NYAP2: variants seen among roughly 807,000 people sequenced by gnomAD.
NYAP2 encodes neuronal tyrosine-phosphorylated phosphoinositide-3-kinase adapter 2.
A neutral mutation model predicts 50.4 loss-of-function variants in NYAP2; 23 were observed. The ratio of observed to expected loss-of-function variants is 0.46; its 90% confidence interval spans 0.33 to 0.65. NYAP2 has a LOEUF of 0.65. Ranked by LOEUF, NYAP2 falls within the 30% of genes least tolerant of loss-of-function variation. The pLI is 0.02. For synonymous variants in NYAP2, 394 were observed against 365.2 expected (o/e 1.08, Z -0.90); for missense variants, 885 against 861.0 (o/e 1.03, Z -0.35).
intron 3 of NYAP2, among the ~76,000 whole-genome samples, chr2:225,456,824 C>T (rs1053121312): frequency 3.3e-5 from 5 of 152,074 alleles, no homozygotes; most frequent in Non-Finnish European, 4.4e-5. Flanking sequence ...TCTGAGTGCA[C>T]CTAAAGGGAA....
chr2:225,406,157 G>C (rs983956101), intron 2 of NYAP2, among the ~76,000 whole-genome samples: 2 of 151,184 alleles, frequency 1.3e-5, no homozygotes, highest in Non-Finnish European at 2.9e-5. Flanking sequence ...TAATTAACTT[G>C]TATGAAGTTT....
At position 225,540,862 on chromosome 2, in the gene NYAP2, A is replaced by G. The variant is rs547584534; in HGVS notation, c.523+27190A>G. 2.6e-5 allele frequency among the ~76,000 whole-genome samples: 4 copies of G among 152,226 alleles called. No individual in the cohort carries two copies. In the South Asian group the frequency reaches 6.2e-4, roughly 24 times the overall value. The stretch of plus-strand genomic sequence containing the variant: ...TTTTTAGTTTTTTGAGAAATCTCCA[A>G]AGTGTTCTCCATAATGGTTTTACTA... On this transcript the variant is annotated intron_variant, in intron 4 of 6. Transcript: ENST00000636099.
chr2:225,522,303 T>C (rs2106191911), intron 4 of NYAP2, among the ~76,000 whole-genome samples: 1 of 152,312 alleles, frequency 6.6e-6, no homozygotes, highest in South Asian at 2.1e-4. Context: ...CTTTATTATA[T>C]AATTTCATGA....
intron 3 of NYAP2, among the ~76,000 whole-genome samples, chr2:225,483,063 C>T (rs1427166994): frequency 6.6e-6 from 1 of 152,060 alleles, no homozygotes; most frequent in Non-Finnish European, 1.5e-5. Flanking sequence ...TAATTTATAT[C>T]CAGGTGATGA....
At chr2:225,560,473 C>A (rs979917069) in intron 4 of NYAP2, among the ~76,000 whole-genome samples, 14 of 152,026 alleles carry the variant, frequency 9.2e-5, no homozygotes, top group African/African-American at 3.4e-4. Context: ...GGACATTGAG[C>A]TTTTCAAAGA....
At chr2:225,553,652 C>A (rs1288359356) in intron 4 of NYAP2, among the ~76,000 whole-genome samples, 1 of 152,146 alleles carries the variant, frequency 6.6e-6, no homozygotes, top group Non-Finnish European at 1.5e-5. Flanking sequence ...ATGAACATAA[C>A]CACTGTTTTA....
chr2:225,463,147 A>G (rs1689861115), intron 3 of NYAP2, among the ~76,000 whole-genome samples: 1 of 152,250 alleles, frequency 6.6e-6, no homozygotes, highest in Non-Finnish European at 1.5e-5. Context: ...GATTCCAAAC[A>G]GGCATTGCTA....
intron 5 of NYAP2, among the ~76,000 whole-genome samples, chr2:225,614,577 G>T (rs779667595): frequency 1.4e-4 from 21 of 152,208 alleles, no homozygotes; most frequent in Non-Finnish European, 2.8e-4. Flanking sequence ...GCTAACAAAA[G>T]CATCACATAT....
intron 3 of NYAP2, among the ~76,000 whole-genome samples, chr2:225,417,171 A>T (rs1695140220): frequency 6.6e-6 from 1 of 152,122 alleles, no homozygotes; most frequent in Non-Finnish European, 1.5e-5. Context: ...GAGTCAGGGG[A>T]CTTTTTGAAC....
intron 3 of NYAP2, among the ~76,000 whole-genome samples, chr2:225,504,282 G>T (rs1469599686): frequency 1.3e-5 from 2 of 152,180 alleles, no homozygotes; most frequent in Non-Finnish European, 1.5e-5. Context: ...CACCATAGAA[G>T]GGGTGAGAGA....
chr2:225,573,169 AT>A (rs146321195), intron 4 of NYAP2, among the ~76,000 whole-genome samples: 25 of 149,440 alleles, frequency 1.7e-4, no homozygotes, highest in East Asian at 1.2e-3. Context: ...TTAATTTTGG[AT>A]TTTTTTTTCA....
intron 3 of NYAP2, among the ~76,000 whole-genome samples, chr2:225,495,124 A>G (rs1183806154): frequency 6.6e-6 from 1 of 152,220 alleles, no homozygotes; most frequent in African/African-American, 2.4e-5. Flanking sequence ...TTCTACTAAA[A>G]TAGTCTTGTA....
At chr2:225,411,489 G>A (rs2106120735) in intron 3 of NYAP2, among the ~76,000 whole-genome samples, 1 of 152,228 alleles carries the variant, frequency 6.6e-6, no homozygotes, top group South Asian at 2.1e-4. Context: ...ATGATGGAAA[G>A]GCAGTTGAGT....
intron 4 of NYAP2, among the ~76,000 whole-genome samples, chr2:225,532,499 A>G (rs1251627374): frequency 6.6e-6 from 1 of 152,206 alleles, no homozygotes; most frequent in Non-Finnish European, 1.5e-5. Context: ...AGTGGTCTAC[A>G]TGGAGCAGAA....
the NYAP2 span, among the ~76,000 whole-genome samples, chr2:225,660,334 C>T: frequency 6.6e-6 from 1 of 152,048 alleles, no homozygotes; most frequent in Non-Finnish European, 1.5e-5. Flanking sequence ...ACTACTTACT[C>T]ACCTCTTTGA....
chr2:225,419,672 T>C (rs1358129127), intron 3 of NYAP2, among the ~76,000 whole-genome samples: 7 of 152,208 alleles, frequency 4.6e-5, no homozygotes, highest in African/African-American at 1.4e-4. Flanking sequence ...CAACATATTA[T>C]AGAATTGGTA....
chr2:225,659,994 G>A, the NYAP2 span, among the ~76,000 whole-genome samples: 1 of 152,146 alleles, frequency 6.6e-6, no homozygotes, highest in Non-Finnish European at 1.5e-5. Flanking sequence ...ACAACTGCTA[G>A]TGCATGGTGA....
At chr2:225,617,214 G>A (rs1259418050) in intron 5 of NYAP2, among the ~76,000 whole-genome samples, 2 of 152,056 alleles carry the variant, frequency 1.3e-5, no homozygotes, top group Non-Finnish European at 2.9e-5. Context: ...ATCTCTTGAG[G>A]TCAGGAGTTT....
At chr2:225,664,417 C>T in the NYAP2 span, among the ~76,000 whole-genome samples, 12 of 152,074 alleles carry the variant, frequency 7.9e-5, no homozygotes, top group Admixed American at 3.9e-4. Flanking sequence ...ACAGTGGAAA[C>T]GGATTAGTAT....
Sources: gnomAD v4.1 joint callset for allele counts (sites outside exome capture counted in the v4.1 genomes callset) on GRCh38, gnomAD v4.1.1 for gene constraint, MANE v1.5 for transcripts, NCBI Gene and HGNC (gene_info 2026-07-23, HGNC 2026-07-21) for gene names.